The following SNCAIP variants were observed in gnomAD, a reference collection of about 807,000 sequenced individuals.
SNCAIP encodes synuclein alpha interacting protein.
SNCAIP carries 43 observed loss-of-function variants against 86.7 expected under a neutral mutation model. That is an observed-to-expected ratio of 0.50 (90% CI 0.39 to 0.64). The LOEUF (loss-of-function observed/expected upper bound fraction) is 0.64, where lower values mean the gene tolerates loss of function less well. Ranked by LOEUF, SNCAIP falls within the 30% of genes least tolerant of loss-of-function variation. The pLI is 0.00. For missense variants in SNCAIP, 981 were observed against 1,103.1 expected (o/e 0.89, Z 1.57); for synonymous variants, 417 against 427.2 (o/e 0.98, Z 0.29).
intron 8 of SNCAIP, among the ~76,000 whole-genome samples, chr5:122,447,239 G>A (rs574671855): frequency 3.3e-5 from 5 of 152,280 alleles, no homozygotes; most frequent in African/African-American, 1.2e-4. Context: ...GAGCCAGCCT[G>A]GCCAGCACCT....
intron 1 of SNCAIP, among the ~76,000 whole-genome samples, chr5:122,377,860 G>A (rs1443451175): frequency 6.6e-6 from 1 of 151,660 alleles, no homozygotes; most frequent in African/African-American, 2.4e-5. Context: ...CCCTACAAAG[G>A]ACATGAACTC....
intron 1 of SNCAIP, among the ~76,000 whole-genome samples, chr5:122,363,051 C>A (rs1263699366): frequency 7.0e-6 from 1 of 142,928 alleles, no homozygotes; most frequent in East Asian, 2.1e-4. Context: ...GGCTGGAGTG[C>A]AATGGTACAA....
intron 6 of SNCAIP, 97 bp from the exon 7 acceptor site, chr5:122,440,532 C>A: frequency 8.4e-7 from 1 of 1,191,302 alleles, no homozygotes; most frequent in Non-Finnish European, 1.2e-6. Flanking sequence ...CATGGTTTTA[C>A]CTAAGCTTCA....
At position 122,346,632 on chromosome 5, in the gene SNCAIP, A is replaced by T. The variant is rs185555587; in HGVS notation, c.-47+34348A>T. ...ATTGCAAAGAATAGATTTGTAGACTAATAGAATTTTAGAGCTGTAAAATTA... is the reference window on the plus strand; with the variant it reads ...ATTGCAAAGAATAGATTTGTAGACTTATAGAATTTTAGAGCTGTAAAATTA... On this transcript the variant is annotated intron_variant, in intron 1 of 10. Transcript: ENST00000261368. Among the ~76,000 whole-genome samples the T allele has an allele frequency of 9.9e-5, 15 of 152,196 alleles. No homozygotes were observed. In the East Asian group the frequency reaches 2.7e-3, roughly 27 times the overall value.
intron 4 of SNCAIP, 137 bp downstream of exon 4, chr5:122,423,876 A>T (rs1776868475): frequency 1.4e-6 from 1 of 739,140 alleles, no homozygotes; most frequent in Non-Finnish European, 2.2e-6. Context: ...TAGTTGGGAG[A>T]TGTGACCTTT....
chr5:122,326,705 G>C (rs1196999760), intron 1 of SNCAIP, among the ~76,000 whole-genome samples: 13 of 134,070 alleles, frequency 9.7e-5, no homozygotes, highest in African/African-American at 3.4e-4. Flanking sequence ...CCCAAATAAG[G>C]ATTTATAGAT....
chr5:122,438,487 A>G (rs1383577778), intron 6 of SNCAIP, among the ~76,000 whole-genome samples: 1 of 152,218 alleles, frequency 6.6e-6, no homozygotes, highest in Non-Finnish European at 1.5e-5. Context: ...ATGATCAGAT[A>G]AATAATTATC....
At chr5:122,411,762 C>T (rs1250537201) in intron 3 of SNCAIP, among the ~76,000 whole-genome samples, 2 of 152,102 alleles carry the variant, frequency 1.3e-5, no homozygotes, top group East Asian at 3.9e-4. Context: ...GTGAGAAATG[C>T]AGACTCTCAC....
chr5:122,382,962 AT>A (rs1767228987), intron 1 of SNCAIP, among the ~76,000 whole-genome samples: 1 of 152,196 alleles, frequency 6.6e-6, no homozygotes, highest in Non-Finnish European at 1.5e-5. Context: ...AGACAGGGAC[AT>A]TTAAGTCTGC....
At chr5:122,412,019 T>C (rs1262916309) in intron 3 of SNCAIP, among the ~76,000 whole-genome samples, 1 of 152,164 alleles carries the variant, frequency 6.6e-6, no homozygotes, top group Non-Finnish European at 1.5e-5. Context: ...GCCAGAGTGA[T>C]CTTCTCTTGG....
intron 1 of SNCAIP, among the ~76,000 whole-genome samples, chr5:122,371,101 AC>A (rs1386031219): frequency 1.3e-5 from 2 of 151,914 alleles, no homozygotes; most frequent in African/African-American, 4.8e-5. Flanking sequence ...ATCACTTGAG[AC>A]CAGGAGTTTG....
intron 3 of SNCAIP, among the ~76,000 whole-genome samples, chr5:122,404,906 A>C (rs939614028): frequency 3.3e-5 from 5 of 152,176 alleles, no homozygotes; most frequent in African/African-American, 7.2e-5. Flanking sequence ...TGTGTGTGTG[A>C]GTGAAAGTAA....
At chr5:122,394,812 C>T (rs137870698) in intron 2 of SNCAIP, among the ~76,000 whole-genome samples, 9 of 152,284 alleles carry the variant, frequency 5.9e-5, no homozygotes, top group South Asian at 4.1e-4. Context: ...CAATGTTGGC[C>T]GTGCCGCACA....
chr5:122,385,381 C>T (rs536063682), intron 1 of SNCAIP, among the ~76,000 whole-genome samples: 102 of 152,224 alleles, frequency 6.7e-4, no homozygotes, highest in Middle Eastern at 3.4e-3. Context: ...AAATTTCTTG[C>T]CTCTATCATT....
chr5:122,396,507 T>G (rs1770648988), intron 2 of SNCAIP, among the ~76,000 whole-genome samples: 2 of 152,206 alleles, frequency 1.3e-5, no homozygotes, highest in African/African-American at 4.8e-5. Context: ...TAGAAATTAT[T>G]AGATTGACTA....
At chr5:122,448,611 AT>A (rs1207222223) in intron 8 of SNCAIP, among the ~76,000 whole-genome samples, 46 of 140,202 alleles carry the variant, frequency 3.3e-4, no homozygotes, top group Admixed American at 1.1e-3. Context: ...TATTATATAT[AT>A]TTTTATATAT....
chr5:122,416,523 G>GC (rs1017960701), intron 3 of SNCAIP, among the ~76,000 whole-genome samples: 1 of 152,116 alleles, frequency 6.6e-6, no homozygotes, highest in African/African-American at 2.4e-5. Context: ...CCAAGACAGT[G>GC]CCCCATCACA....
At chr5:122,355,193 A>T (rs1760745903) in intron 1 of SNCAIP, among the ~76,000 whole-genome samples, 1 of 152,212 alleles carries the variant, frequency 6.6e-6, no homozygotes, top group Non-Finnish European at 1.5e-5. Context: ...AATTCAACTT[A>T]GGTATAAAAC....
At chr5:122,349,554 T>C (rs1379886225) in intron 1 of SNCAIP, among the ~76,000 whole-genome samples, 1 of 152,218 alleles carries the variant, frequency 6.6e-6, no homozygotes, top group Non-Finnish European at 1.5e-5. Flanking sequence ...TAGATTTTTA[T>C]TAAGAAGAAA....
Sources: gnomAD v4.1 joint callset for allele counts (sites outside exome capture counted in the v4.1 genomes callset) on GRCh38, gnomAD v4.1.1 for gene constraint, MANE v1.5 for transcripts, NCBI Gene and HGNC (gene_info 2026-07-23, HGNC 2026-07-21) for gene names.